Variants in CDK8 observed in about 807,000 individuals in gnomAD.
The protein encoded by CDK8 is cyclin-dependent kinase 8.
In CDK8, 29 loss-of-function variants were observed where a neutral mutation model predicts 71.5. That is an observed-to-expected ratio of 0.41 (90% CI 0.30 to 0.55). The LOEUF (loss-of-function observed/expected upper bound fraction) is 0.55. CDK8 is among the 20% of genes least tolerant of loss of function. The pLI, the probability that CDK8 is intolerant of heterozygous loss-of-function variation, is 0.37. For synonymous variants in CDK8, 161 were observed against 192.1 expected (o/e 0.84, Z 1.34); for missense variants, 288 against 572.6 (o/e 0.50, Z 5.07).
chr13:26,279,967 TTGTGTGTGTG>T (rs148491122), intron 1 of CDK8, among the ~76,000 whole-genome samples: 1 of 149,454 alleles, frequency 6.7e-6, no homozygotes, highest in Non-Finnish European at 1.5e-5. Context: ...CAGAAGAAAA[TTGTGTGTGTG>T]TGTGTGTGTG....
intron 1 of CDK8, among the ~76,000 whole-genome samples, chr13:26,321,364 A>C (rs1419578837): frequency 6.6e-6 from 1 of 152,168 alleles, no homozygotes; most frequent in South Asian, 2.1e-4. Context: ...GTGGAATGAT[A>C]GTTGCTAGGA....
At chr13:26,334,236 A>G (rs1872883325) in intron 1 of CDK8, among the ~76,000 whole-genome samples, 1 of 152,184 alleles carries the variant, frequency 6.6e-6, no homozygotes, top group African/African-American at 2.4e-5. Flanking sequence ...AGTGGTGGAT[A>G]TTAAGGAGGT....
intron 1 of CDK8, among the ~76,000 whole-genome samples, chr13:26,302,207 CTTT>C (rs1873853907): frequency 1.3e-5 from 2 of 152,166 alleles, no homozygotes; most frequent in South Asian, 4.1e-4. Flanking sequence ...TGGATGCCTT[CTTT>C]ATTTGCTTAT....
chr13:26,336,874 G>A (rs569737490), intron 1 of CDK8, among the ~76,000 whole-genome samples: 1 of 152,150 alleles, frequency 6.6e-6, no homozygotes, highest in East Asian at 1.9e-4. Context: ...CTTTGCTTGG[G>A]TCCTCCACCA....
chr13:26,276,155 G>A (rs954054899), intron 1 of CDK8, among the ~76,000 whole-genome samples: 6 of 152,074 alleles, frequency 3.9e-5, no homozygotes, highest in Non-Finnish European at 8.8e-5. Context: ...GTAACCGGCT[G>A]TACCTTTTAA....
chr13:26,326,753 T>G (rs969897380), intron 1 of CDK8, among the ~76,000 whole-genome samples: 1 of 152,306 alleles, frequency 6.6e-6, no homozygotes, highest in South Asian at 2.1e-4. Flanking sequence ...GGCAAAGTCA[T>G]TGGAGTGTGT....
intron 4 of CDK8, among the ~76,000 whole-genome samples, chr13:26,355,852 C>T (rs919388831): frequency 4.0e-5 from 6 of 151,866 alleles, no homozygotes; most frequent in African/African-American, 1.5e-4. Flanking sequence ...TTTTCTTTTT[C>T]TTGTAAATTT....
At chr13:26,272,663 C>T (rs576005757) in intron 1 of CDK8, among the ~76,000 whole-genome samples, 25 of 152,300 alleles carry the variant, frequency 1.6e-4, no homozygotes, top group African/African-American at 4.3e-4. Flanking sequence ...ACACCAGTAA[C>T]ATGGTCATTT....
chr13:26,315,787 TA>T (rs969147594), intron 1 of CDK8, among the ~76,000 whole-genome samples: 1 of 152,166 alleles, frequency 6.6e-6, no homozygotes, highest in East Asian at 1.9e-4. Flanking sequence ...TCATTATTAC[TA>T]AAAAAATGCC....
Position 26,303,309 on chromosome 13 carries a change from C to CT in CDK8, c.129-34248dup, listed in dbSNP as rs556966935. ...ACTTGGATTATCTATAAATATATTT[C>CT]TTTTTTTTTTGAGACAGGTCTTGCT... On this transcript the variant is annotated intron_variant, in intron 1 of 12. Coordinates refer to ENST00000381527, the MANE Select transcript of CDK8 (RefSeq NM_001260.3). Among the ~76,000 whole-genome samples the CT allele has an allele frequency of 8.2e-3, 1,205 of 146,356 alleles. 8 individuals carry two copies. The highest frequency in any genetic ancestry group is 0.025 in the Middle Eastern group (7 of 284).
At chr13:26,264,266 T>G (rs764049209) in intron 1 of CDK8, among the ~76,000 whole-genome samples, 9 of 124,316 alleles carry the variant, frequency 7.2e-5, no homozygotes, top group Admixed American at 4.3e-4. Context: ...GCTGCCGTTC[T>G]TTTTTTTCTT....
chr13:26,259,074 A>G (rs1056977740), intron 1 of CDK8, among the ~76,000 whole-genome samples: 2 of 152,222 alleles, frequency 1.3e-5, no homozygotes, highest in Non-Finnish European at 2.9e-5. Flanking sequence ...CCCCTTCTGA[A>G]TATGGCTGAA....
rs1871408487 is a variant in CDK8, at chr13:26,254,269, C to A, written c.-373C>A. On this transcript the variant is annotated 5_prime_UTR_variant, in exon 1 of 13. Transcript: ENST00000381527. This position sits in a 1 kb window ranked among gnomAD's most constrained non-coding sequence, Gnocchi z 6.7. ...GAGGACGAGAGCCCGCCTGGCCGCC[C>A]CGCCGCTCCCGCCGCAGCAGGAGCA... The A allele has an allele frequency of 3.6e-6, 1 of 277,618 alleles. No individual in the cohort carries two copies. Among genetic ancestry groups the A allele is most frequent in the Non-Finnish European group, 6.9e-6 (1 of 145,424 alleles). 17.2% of individuals were successfully genotyped at this position (277,618 alleles called of 1,614,324 possible). A position where few individuals can be genotyped will look rare whatever the true frequency, so the allele number is the denominator to read the frequency against.
At chr13:26,284,430 C>G (rs2137890608) in intron 1 of CDK8, among the ~76,000 whole-genome samples, 1 of 152,028 alleles carries the variant, frequency 6.6e-6, no homozygotes, top group East Asian at 1.9e-4. Context: ...TAAATAAGCT[C>G]AATTAGAAAT....
In CDK8 at chr13:26,257,764, A is replaced by G. The variant is rs543053508; in HGVS notation, c.128+2995A>G. Among the ~76,000 whole-genome samples, 102 of 152,334 alleles carry G rather than the reference A, an allele frequency of 6.7e-4. 1 individual carries two copies. The highest frequency in any genetic ancestry group is 6.7e-3 in the Admixed American group (102 of 15,296). Reference sequence around the variant, plus strand: ...GCACTGAATGTTTGGATAATTTAAAATATCAATTTGGGATAAGAGGTTTTT... The same window carrying G: ...GCACTGAATGTTTGGATAATTTAAAGTATCAATTTGGGATAAGAGGTTTTT... On this transcript the variant is annotated intron_variant, in intron 1 of 12. Transcript: ENST00000381527.
At chr13:26,264,657 A>C (rs916806103) in intron 1 of CDK8, among the ~76,000 whole-genome samples, 1 of 152,108 alleles carries the variant, frequency 6.6e-6, no homozygotes, top group African/African-American at 2.4e-5. Context: ...TCTACTATCA[A>C]ACATTGAATT....
At chr13:26,302,874 TTG>T (rs1421044541) in intron 1 of CDK8, among the ~76,000 whole-genome samples, 1 of 152,136 alleles carries the variant, frequency 6.6e-6, no homozygotes, top group East Asian at 1.9e-4. Flanking sequence ...ATTTATAGTT[TTG>T]TTTTGTTTAG....
At chr13:26,312,839 T>G (rs867120641) in intron 1 of CDK8, among the ~76,000 whole-genome samples, 3 of 152,220 alleles carry the variant, frequency 2.0e-5, no homozygotes, top group Admixed American at 2.0e-4. Context: ...GTATTGATAC[T>G]CAGCACTGTG....
chr13:26,378,535 A>G (rs563238518), intron 4 of CDK8, among the ~76,000 whole-genome samples: 2 of 152,342 alleles, frequency 1.3e-5, no homozygotes, highest in South Asian at 4.1e-4. Flanking sequence ...CATTTTTCAG[A>G]TGGCAATCAA....
Sources: gnomAD v4.1 joint callset for allele counts (sites outside exome capture counted in the v4.1 genomes callset) on GRCh38, gnomAD v4.1.1 for gene constraint, Gnocchi (gnomAD v3.1) non-coding constraint, MANE v1.5 for transcripts, NCBI Gene and HGNC (gene_info 2026-07-23, HGNC 2026-07-21) for gene names.